Variants in VPS13A observed in about 807,000 individuals in gnomAD.
The protein encoded by VPS13A is vacuolar protein sorting 13 homolog A, also known as intermembrane lipid transfer protein VPS13A.
A neutral mutation model predicts 390.9 loss-of-function variants in VPS13A; 264 were observed. The observed-to-expected ratio is 0.68, with a 90% CI of 0.61 to 0.75. The LOEUF (loss-of-function observed/expected upper bound fraction) is 0.75, where lower values mean the gene tolerates loss of function less well. Ranked by LOEUF, VPS13A falls within the 30% of genes least tolerant of loss-of-function variation. VPS13A has a pLI of 0.00. For synonymous variants in VPS13A, 1,231 were observed against 1,227.1 expected, an observed-to-expected ratio of 1.00 and a Z score of -0.07; for missense variants, 3,409 against 3,733.9, an observed-to-expected ratio of 0.91 and a Z score of 2.27.
intron 45 of VPS13A, among the ~76,000 whole-genome samples, chr9:77,327,115 G>GT (rs1049148095): frequency 6.6e-6 from 1 of 152,252 alleles, no homozygotes; most frequent in South Asian, 2.1e-4. Flanking sequence ...GGCTTATGTA[G>GT]TTTTTTTGTT....
At position 77,338,010 on chromosome 9, in the gene VPS13A, C is replaced by G. The variant is rs185460506; in HGVS notation, c.6378+473C>G. 20 of 156,172 alleles carry G rather than the reference C, an allele frequency of 1.3e-4. No homozygotes were observed. In the East Asian group the frequency reaches 3.4e-3, roughly 26 times the overall value. The allele number at this position is 156,172 out of a possible 1,614,324, so 9.7% of individuals were successfully genotyped here. On this transcript the variant is annotated intron_variant, in intron 47 of 71. Coordinates refer to ENST00000360280, the MANE Select transcript of VPS13A (RefSeq NM_033305.3). ...AATTTTTTTGAGACTAGGTTTCTCTCTGTTGCTCAGACTGGAGTGCAATGA... is the reference window on the plus strand; with the variant it reads ...AATTTTTTTGAGACTAGGTTTCTCTGTGTTGCTCAGACTGGAGTGCAATGA...
chr9:77,202,038 T>C (rs1239736736), intron 3 of VPS13A, among the ~76,000 whole-genome samples: 3 of 152,140 alleles, frequency 2.0e-5, no homozygotes, highest in East Asian at 3.8e-4. Context: ...AGTTGGGACT[T>C]GGAGATATTT....
At chr9:77,213,463 A>G in intron 9 of VPS13A, 149 bp downstream of exon 9, 1 of 663,260 alleles carries the variant, frequency 1.5e-6, no homozygotes, top group Non-Finnish European at 2.6e-6. Context: ...AGATGTGTGT[A>G]ACTATACACA....
intron 71 of VPS13A, among the ~76,000 whole-genome samples, chr9:77,410,967 C>G (rs1396921987): frequency 6.6e-6 from 1 of 152,186 alleles, no homozygotes; most frequent in Non-Finnish European, 1.5e-5. Context: ...CTCTCCACCC[C>G]AAATCAACAG....
intron 68 of VPS13A, among the ~76,000 whole-genome samples, chr9:77,399,528 A>T (rs1462900026): frequency 1.5e-5 from 2 of 137,496 alleles, no homozygotes; most frequent in African/African-American, 2.6e-5. Flanking sequence ...CTTTTAAACT[A>T]TTGGAAGGTT....
chr9:77,413,182 A>C (rs1424699154), intron 71 of VPS13A, among the ~76,000 whole-genome samples: 1 of 152,230 alleles, frequency 6.6e-6, no homozygotes, highest in Non-Finnish European at 1.5e-5. Flanking sequence ...AAGGTAATTT[A>C]TAGATTCAAT....
Position 77,260,343 on chromosome 9 carries a change from G to GA in VPS13A, c.2427+123dup. On this transcript the variant is annotated intron_variant, in intron 23 of 71. Transcript: ENST00000360280. ...GCAATTTGTTTTGAATAGACATTAA[G>GA]AAAATTACTTTTTTTTTTTTTTTTT... 6 of 529,130 alleles carry GA rather than the reference G, an allele frequency of 1.1e-5. No homozygotes were observed. In the South Asian group the frequency reaches 1.5e-4, roughly 13 times the overall value. 32.8% of individuals were successfully genotyped at this position (529,130 alleles called of 1,614,324 possible).
chr9:77,310,545 A>C (rs1021047308), intron 35 of VPS13A, among the ~76,000 whole-genome samples: 1 of 152,078 alleles, frequency 6.6e-6, no homozygotes, highest in Non-Finnish European at 1.5e-5. Context: ...TGAGAAGAGA[A>C]CCTCTTATTT....
intron 60 of VPS13A, among the ~76,000 whole-genome samples, chr9:77,366,392 G>A (rs758040591): frequency 3.3e-5 from 5 of 151,980 alleles, no homozygotes; most frequent in Non-Finnish European, 5.9e-5. Context: ...ATAAGTTGGG[G>A]ACCATATGTA....
chr9:77,177,799 G>A lies in VPS13A; in HGVS notation c.95G>A (p.Trp32Ter). 6.2e-7 allele frequency: 1 copy of A among 1,612,080 alleles called. No homozygotes were observed. The highest frequency in any genetic ancestry group is 8.5e-7 in the Non-Finnish European group (1 of 1,179,154). ...ACGTCCCAGCTCTCTCTGGGCATCT[G>A]GAAAGGTAAGGAGGCCGCCGCCGCC... ...LDTSQLSLGI[W>*]KGAVALKNLQ... Residue 32 changes from tryptophan to a stop codon, truncating the protein, a stop_gained, in exon 1 of 72, where the codon TGG becomes TAG. Coordinates refer to ENST00000360280, the MANE Select transcript of VPS13A (RefSeq NM_033305.3). LOFTEE classifies it high-confidence loss of function.
intron 1 of VPS13A, among the ~76,000 whole-genome samples, chr9:77,179,128 C>G (rs951063855): frequency 2.0e-5 from 3 of 152,176 alleles, no homozygotes; most frequent in Non-Finnish European, 2.9e-5. Flanking sequence ...CAGAAGGAAG[C>G]CTTAAGAATA....
intron 2 of VPS13A, among the ~76,000 whole-genome samples, 173 bp downstream of exon 2, chr9:77,200,161 G>T (rs1825241394): frequency 6.6e-6 from 1 of 152,066 alleles, no homozygotes; most frequent in South Asian, 2.1e-4. Flanking sequence ...AAGCACAAAT[G>T]GACAGTGTGA....
chr9:77,291,332 A>T (rs927763887), intron 31 of VPS13A, among the ~76,000 whole-genome samples: 1 of 152,104 alleles, frequency 6.6e-6, no homozygotes, highest in African/African-American at 2.4e-5. Context: ...TTGTGGAAAA[A>T]TTGTCTTCCA....
At chr9:77,278,978 C>T (rs1403103243) in intron 26 of VPS13A, among the ~76,000 whole-genome samples, 1 of 152,166 alleles carries the variant, frequency 6.6e-6, no homozygotes, top group Non-Finnish European at 1.5e-5. Flanking sequence ...TTTTGGGCTC[C>T]GGCCCCAGGA....
At chr9:77,206,339 A>T (rs1589995663) in intron 5 of VPS13A, among the ~76,000 whole-genome samples, 1 of 149,504 alleles carries the variant, frequency 6.7e-6, no homozygotes, top group African/African-American at 2.4e-5. Flanking sequence ...TTATATATAT[A>T]TATATACACA....
intron 71 of VPS13A, among the ~76,000 whole-genome samples, chr9:77,413,764 G>A (rs924757332): frequency 6.6e-6 from 1 of 152,110 alleles, no homozygotes; most frequent in Admixed American, 6.5e-5. Context: ...ACTAAAGAGA[G>A]CTTCTGCACA....
At chr9:77,407,434 G>A in intron 70 of VPS13A, 99 bp from the exon 71 acceptor site, 1 of 933,086 alleles carries the variant, frequency 1.1e-6, no homozygotes, top group Non-Finnish European at 1.7e-6. Context: ...TGTATAAGAG[G>A]GACACTTTAG....
At chr9:77,207,782 C>T (rs1367953190) in intron 5 of VPS13A, among the ~76,000 whole-genome samples, 2 of 152,104 alleles carry the variant, frequency 1.3e-5, no homozygotes, top group Non-Finnish European at 2.9e-5. Context: ...TCCTCTCTCT[C>T]CACTGTGTTC....
rs1260713742 is a variant in VPS13A, at chr9:77,420,021, A to G, written c.*4015A>G. On this transcript the variant is annotated 3_prime_UTR_variant, in exon 72 of 72. Transcript: ENST00000360280. ...AACTTACATTCTGTATGCAGGACTC[A>G]ATACAGACTTAGTCAATCTGATTTT... 1 of 152,250 alleles carries G rather than the reference A, an allele frequency of 6.6e-6. No homozygotes were observed. Among genetic ancestry groups the G allele is most frequent in the East Asian group, 1.9e-4 (1 of 5,198 alleles). The allele number at this position is 152,250 out of a possible 1,614,324, so 9.4% of individuals were successfully genotyped here.
Sources: allele counts gnomAD v4.1 joint callset (sites outside exome capture counted in the v4.1 genomes callset), GRCh38; gene constraint gnomAD v4.1.1; transcripts MANE v1.5; gene names NCBI Gene and HGNC (gene_info 2026-07-23, HGNC 2026-07-21).